The following GRIN2A variants were observed in gnomAD, a reference collection of about 807,000 sequenced individuals.
GRIN2A encodes the protein glutamate receptor ionotropic, NMDA 2A.
GRIN2A carries 22 observed loss-of-function variants against 113.4 expected under a neutral mutation model. The observed-to-expected ratio is 0.19, with a 90% CI of 0.14 to 0.28. The LOEUF (loss-of-function observed/expected upper bound fraction) is 0.28. Ranked by LOEUF, GRIN2A falls within the 10% of genes least tolerant of loss-of-function variation. The probability of loss-of-function intolerance (pLI) is 1.00; values close to 1 mark genes in which losing one functional copy is unlikely to be tolerated. For missense variants in GRIN2A, 1,502 were observed against 1,887.0 expected (o/e 0.80, Z 3.78); for synonymous variants, 827 against 738.4 (o/e 1.12, Z -1.94).
intron 2 of GRIN2A, among the ~76,000 whole-genome samples, chr16:9,967,848 C>A (rs1276226037): frequency 6.6e-6 from 1 of 152,052 alleles, no homozygotes; most frequent in African/African-American, 2.4e-5. Context: ...AACAACTTAT[C>A]CCTGTAACCA....
chr16:9,824,834 C>G (rs1227884945), intron 9 of GRIN2A, among the ~76,000 whole-genome samples: 1 of 152,044 alleles, frequency 6.6e-6, no homozygotes, highest in Non-Finnish European at 1.5e-5. Context: ...AATTTCATGG[C>G]TCACTAAAGA....
At chr16:9,995,375 C>T (rs997052135) in intron 2 of GRIN2A, among the ~76,000 whole-genome samples, 8 of 152,038 alleles carry the variant, frequency 5.3e-5, no homozygotes, top group South Asian at 2.1e-4. Context: ...GGATAGATGA[C>T]GAATTAGGAT....
At chr16:9,988,640 G>A (rs1033286715) in intron 2 of GRIN2A, among the ~76,000 whole-genome samples, 1 of 151,968 alleles carries the variant, frequency 6.6e-6, no homozygotes, top group African/African-American at 2.4e-5. Flanking sequence ...AGTGATAGGT[G>A]CCTTAAACAA....
chr16:9,804,406 G>A (rs1344648501), intron 10 of GRIN2A, among the ~76,000 whole-genome samples: 1 of 151,870 alleles, frequency 6.6e-6, no homozygotes, highest in Non-Finnish European at 1.5e-5. Flanking sequence ...CACAGCTAAG[G>A]GAACCCATTT....
At chr16:9,955,564 C>G (rs567050505) in intron 2 of GRIN2A, among the ~76,000 whole-genome samples, 5 of 152,290 alleles carry the variant, frequency 3.3e-5, no homozygotes, top group African/African-American at 1.2e-4. Context: ...TTTCATAGTA[C>G]TTAATGTGGC....
At chr16:10,062,913 A>G (rs1307347907) in intron 2 of GRIN2A, among the ~76,000 whole-genome samples, 1 of 152,036 alleles carries the variant, frequency 6.6e-6, no homozygotes, top group Non-Finnish European at 1.5e-5. Context: ...TAGCAAAAAG[A>G]CACATGCACT....
At chr16:9,884,905 T>G (rs985141249) in intron 4 of GRIN2A, among the ~76,000 whole-genome samples, 25 of 151,598 alleles carry the variant, frequency 1.6e-4, no homozygotes, top group Non-Finnish European at 3.5e-4. Flanking sequence ...ACCTAATTTT[T>G]TTTTTGTATT....
intron 2 of GRIN2A, among the ~76,000 whole-genome samples, chr16:10,037,773 C>T (rs2047062529): frequency 6.6e-6 from 1 of 152,096 alleles, no homozygotes; most frequent in Non-Finnish European, 1.5e-5. Flanking sequence ...CAGGCGCATG[C>T]CACCACACCC....
chr16:9,984,493 C>T (rs184868664), intron 2 of GRIN2A, among the ~76,000 whole-genome samples: 51 of 152,312 alleles, frequency 3.3e-4, no homozygotes, highest in African/African-American at 1.1e-3. Context: ...AGGTTTTACA[C>T]GTCAGTCTTT....
chr16:10,035,144 A>G (rs1243488993), intron 2 of GRIN2A, among the ~76,000 whole-genome samples: 1 of 151,712 alleles, frequency 6.6e-6, no homozygotes, highest in Non-Finnish European at 1.5e-5. Context: ...TCCTGCCTCA[A>G]CCTCTTGAGT....
intron 2 of GRIN2A, among the ~76,000 whole-genome samples, chr16:9,956,923 G>T (rs1165080265): frequency 6.6e-6 from 1 of 152,090 alleles, no homozygotes; most frequent in African/African-American, 2.4e-5. Context: ...TTGGGGTGAG[G>T]GTGAAAGAGA....
intron 11 of GRIN2A, among the ~76,000 whole-genome samples, chr16:9,772,829 T>C (rs1437146962): frequency 1.3e-5 from 2 of 150,350 alleles, no homozygotes. Flanking sequence ...CTCGATTCTT[T>C]TCAGGATGTA....
chr16:10,168,632 G>C (rs9935607), intron 2 of GRIN2A, among the ~76,000 whole-genome samples: 2 of 151,990 alleles, frequency 1.3e-5, no homozygotes, highest in Admixed American at 1.3e-4. Flanking sequence ...CCTAATTGCC[G>C]AAGCTTATTC....
At chr16:10,035,011 T>A (rs1186682180) in intron 2 of GRIN2A, among the ~76,000 whole-genome samples, 1 of 152,174 alleles carries the variant, frequency 6.6e-6, no homozygotes, top group Non-Finnish European at 1.5e-5. Context: ...ACAACATCTT[T>A]GACTTCATCT....
rs534464902 is a variant in GRIN2A, at chr16:9,796,055, T to A, written c.2356+2222A>T. On this transcript the variant is annotated intron_variant, in intron 11 of 12. Transcript: ENST00000330684. ...TAAGCAACATTTAACCTCATAAGGT[T>A]ACGAAGATTACATTGAGGAACGTAT... Among the ~76,000 whole-genome samples the A allele has an allele frequency of 3.3e-5, 5 of 152,304 alleles. No homozygotes were observed. In the South Asian group the frequency reaches 1.0e-3, roughly 32 times the overall value.
intron 3 of GRIN2A, among the ~76,000 whole-genome samples, chr16:9,901,269 C>T (rs1002140450): frequency 2.0e-5 from 3 of 152,014 alleles, no homozygotes; most frequent in African/African-American, 7.3e-5. Flanking sequence ...GATGATGAGC[C>T]CTACTTTGTC....
At chr16:10,035,418 C>T (rs1241203229) in intron 2 of GRIN2A, among the ~76,000 whole-genome samples, 2 of 152,168 alleles carry the variant, frequency 1.3e-5, no homozygotes, top group African/African-American at 4.8e-5. Flanking sequence ...GAAGAAGTCT[C>T]ACACATCTAT....
intron 2 of GRIN2A, chr16:10,031,579 A>G (rs2046929587): frequency 6.6e-6 from 1 of 152,260 alleles, no homozygotes; most frequent in Admixed American, 6.5e-5. Flanking sequence ...ACAGTGGTGC[A>G]CAATAATTAC....
At chr16:9,869,644 C>A (rs1293596170) in intron 4 of GRIN2A, among the ~76,000 whole-genome samples, 1 of 152,188 alleles carries the variant, frequency 6.6e-6, no homozygotes, top group Non-Finnish European at 1.5e-5. Flanking sequence ...ACTTCTTGGA[C>A]ATCAGTTTCC....
Sources: allele counts gnomAD v4.1 joint callset (sites outside exome capture counted in the v4.1 genomes callset), GRCh38; gene constraint gnomAD v4.1.1; transcripts MANE v1.5; gene names NCBI Gene and HGNC (gene_info 2026-07-23, HGNC 2026-07-21).